The following PCSK2 variants were observed in gnomAD, a reference collection of about 807,000 sequenced individuals.
PCSK2 encodes the protein proprotein convertase subtilisin/kexin type 2.
A neutral mutation model predicts 69.7 loss-of-function variants in PCSK2; 14 were observed. The ratio of observed to expected loss-of-function variants is 0.20; its 90% confidence interval spans 0.13 to 0.31. The LOEUF is 0.31. Ranked by LOEUF, PCSK2 falls within the 10% of genes least tolerant of loss-of-function variation. The pLI, the probability that PCSK2 is intolerant of heterozygous loss-of-function variation, is 1.00. For missense variants in PCSK2, 544 were observed against 842.5 expected, an observed-to-expected ratio of 0.65 and a Z score of 4.39; for synonymous variants, 307 against 320.7, an observed-to-expected ratio of 0.96 and a Z score of 0.46.
intron 2 of PCSK2, among the ~76,000 whole-genome samples, chr20:17,291,304 C>T (rs529215172): frequency 1.3e-5 from 2 of 152,256 alleles, no homozygotes; most frequent in Admixed American, 1.3e-4. Context: ...TGGCAGCACA[C>T]TATAAACACC....
At chr20:17,248,157 A>G (rs1035708244) in intron 1 of PCSK2, among the ~76,000 whole-genome samples, 3 of 147,822 alleles carry the variant, frequency 2.0e-5, no homozygotes, top group Non-Finnish European at 3.0e-5. Context: ...AAGAGAACAA[A>G]GTGATGATAT....
Position 17,369,230 on chromosome 20 carries a change from C to T in PCSK2, c.506-10C>T, listed in dbSNP as rs932755134. The T allele has an allele frequency of 3.7e-6, 6 of 1,613,034 alleles. No homozygotes were observed. In the South Asian group the frequency reaches 5.5e-5, roughly 15 times the overall value. ...CCTTTGGTTCCTGTGTTATTGTTGT[C>T]TTTTCACAGGGATTGACTATCTCCA... On this transcript the variant is annotated splice_polypyrimidine_tract_variant and intron_variant, in intron 4 of 11. Coordinates refer to ENST00000262545, the MANE Select transcript of PCSK2 (RefSeq NM_002594.5).
chr20:17,369,383 C>T (rs1336298087), intron 5 of PCSK2, 106 bp downstream of exon 5: 14 of 866,942 alleles, frequency 1.6e-5, no homozygotes, highest in Non-Finnish European at 2.7e-5. Context: ...CACATGCATG[C>T]AAGTACAGGA....
chr20:17,295,869 A>G (rs1988875556), intron 2 of PCSK2, among the ~76,000 whole-genome samples: 1 of 152,130 alleles, frequency 6.6e-6, no homozygotes. Flanking sequence ...CACTTTTACA[A>G]ATAAAGATAA....
chr20:17,445,567 C>G (rs146970050), intron 8 of PCSK2, among the ~76,000 whole-genome samples: 100 of 152,348 alleles, frequency 6.6e-4, no homozygotes, highest in African/African-American at 2.2e-3. Context: ...AAACCACCAT[C>G]CAGGAAAGCA....
intron 11 of PCSK2, chr20:17,479,249 A>C: frequency 8.4e-7 from 1 of 1,188,340 alleles, no homozygotes; most frequent in Non-Finnish European, 1.3e-6. Context: ...TACATTTATA[A>C]GCTTTTCCCA....
chr20:17,295,397 T>C (rs906888569), intron 2 of PCSK2, among the ~76,000 whole-genome samples: 9 of 152,038 alleles, frequency 5.9e-5, no homozygotes, highest in African/African-American at 2.2e-4. Context: ...CCAGCATTTG[T>C]TCTTTACGCT....
intron 6 of PCSK2, among the ~76,000 whole-genome samples, chr20:17,420,666 T>TG (rs1335686971): frequency 1.3e-5 from 2 of 152,242 alleles, no homozygotes; most frequent in African/African-American, 4.8e-5. Flanking sequence ...AATGTGTACA[T>TG]GCCATATAGA....
At chr20:17,289,920 C>A (rs928598127) in intron 2 of PCSK2, among the ~76,000 whole-genome samples, 1 of 152,088 alleles carries the variant, frequency 6.6e-6, no homozygotes, top group African/African-American at 2.4e-5. Flanking sequence ...CTCTTTTGTA[C>A]TCTTTAATGT....
In PCSK2 at chr20:17,455,258, C is replaced by T. The variant is rs1251513619; in HGVS notation, c.1102-1090C>T. Among the ~76,000 whole-genome samples the T allele has an allele frequency of 4.6e-5, 7 of 152,080 alleles. 1 individual carries two copies. Among genetic ancestry groups the T allele is most frequent in the Admixed American group, 6.6e-5 (1 of 15,260 alleles). ...TTTTGCTCAATAGATGCCCTTAAACCTCCCTGGTAATTTCTTCCTCAAAAT... is the reference window on the plus strand; with the variant it reads ...TTTTGCTCAATAGATGCCCTTAAACTTCCCTGGTAATTTCTTCCTCAAAAT... On this transcript the variant is annotated intron_variant, in intron 9 of 11. Transcript: ENST00000262545.
At chr20:17,322,878 T>C (rs1989916677) in intron 2 of PCSK2, among the ~76,000 whole-genome samples, 1 of 152,194 alleles carries the variant, frequency 6.6e-6, no homozygotes, top group East Asian at 1.9e-4. Flanking sequence ...TGTTTTGTTT[T>C]TCTTGAGATG....
intron 5 of PCSK2, among the ~76,000 whole-genome samples, chr20:17,397,778 A>G (rs1219517370): frequency 6.6e-6 from 1 of 152,088 alleles, no homozygotes; most frequent in East Asian, 1.9e-4. Flanking sequence ...CCCCCGGCCA[A>G]ATTCAATAAT....
At chr20:17,429,620 C>T (rs1375822851) in intron 7 of PCSK2, 97 bp downstream of exon 7, 1 of 767,210 alleles carries the variant, frequency 1.3e-6, no homozygotes, top group Non-Finnish European at 2.1e-6. Context: ...TGCAGAAAAG[C>T]TAGGATCCAC....
chr20:17,421,149 C>A (rs978404771), intron 6 of PCSK2, among the ~76,000 whole-genome samples: 2 of 152,160 alleles, frequency 1.3e-5, no homozygotes, highest in African/African-American at 4.8e-5. Flanking sequence ...TTCTGCATTG[C>A]TGATTGAAAA....
At chr20:17,412,321 T>C (rs1219248665) in intron 6 of PCSK2, among the ~76,000 whole-genome samples, 1 of 152,156 alleles carries the variant, frequency 6.6e-6, no homozygotes, top group Admixed American at 6.5e-5. Context: ...ATAAACAGTG[T>C]AGAGAAGACT....
chr20:17,370,339 G>A (rs1269074402), intron 5 of PCSK2, among the ~76,000 whole-genome samples: 4 of 152,112 alleles, frequency 2.6e-5, no homozygotes, highest in Non-Finnish European at 4.4e-5. Context: ...GTGTCTCTAC[G>A]TTGCACAAAG....
At chr20:17,468,214 C>T (rs1207130347) in intron 11 of PCSK2, among the ~76,000 whole-genome samples, 4 of 151,724 alleles carry the variant, frequency 2.6e-5, no homozygotes, top group Admixed American at 1.3e-4. Context: ...GAGCAGCCAA[C>T]CATAGGTCAG....
At chr20:17,310,957 G>A (rs956263104) in intron 2 of PCSK2, among the ~76,000 whole-genome samples, 2 of 142,178 alleles carry the variant, frequency 1.4e-5, no homozygotes, top group East Asian at 2.1e-4. Flanking sequence ...AGCCAAGATC[G>A]CACCACTGCA....
At chr20:17,322,405 G>A (rs1989897232) in intron 2 of PCSK2, among the ~76,000 whole-genome samples, 1 of 152,154 alleles carries the variant, frequency 6.6e-6, no homozygotes, top group Non-Finnish European at 1.5e-5. Context: ...TTCATAGGTT[G>A]AAGGCCCAAC....
Sources: gnomAD v4.1 joint callset for allele counts (sites outside exome capture counted in the v4.1 genomes callset) on GRCh38, gnomAD v4.1.1 for gene constraint, MANE v1.5 for transcripts, NCBI Gene and HGNC (gene_info 2026-07-23, HGNC 2026-07-21) for gene names.